DYNC1H1: variants seen among roughly 807,000 people sequenced by gnomAD.
The protein encoded by DYNC1H1 is dynein cytoplasmic 1 heavy chain 1.
DYNC1H1 carries 51 observed loss-of-function variants against 527.1 expected under a neutral mutation model. The ratio of observed to expected loss-of-function variants is 0.10; its 90% CI spans 0.08 to 0.12. The LOEUF (loss-of-function observed/expected upper bound fraction) is 0.12. Ranked by LOEUF, DYNC1H1 falls within the 10% of genes least tolerant of loss-of-function variation. The pLI is 1.00. For missense variants in DYNC1H1, 2,771 were observed against 5,971.8 expected, an observed-to-expected ratio of 0.46 and a Z score of 17.66; for synonymous variants, 2,189 against 2,278.8, an observed-to-expected ratio of 0.96 and a Z score of 1.12.
chr14:102,029,368 G>T lies in DYNC1H1; in HGVS notation c.9469-171G>T. 1.3e-6 allele frequency: 1 copy of T among 741,348 alleles called. No homozygotes were observed. The highest frequency in any genetic ancestry group is 2.2e-6 in the Non-Finnish European group (1 of 446,734). 45.9% of individuals were successfully genotyped at this position (741,348 alleles called of 1,614,324 possible). On this transcript the variant is annotated intron_variant, in intron 48 of 77. Coordinates refer to ENST00000360184, the MANE Select transcript of DYNC1H1 (RefSeq NM_001376.5). The surrounding 1 kb of genome is among the most constrained non-coding windows in gnomAD (Gnocchi z 5.3). ...CTTAGAGAGGTTTGGAAGTGTAAGGGGTATCTCGAAAGCTCTAAGTGGCTA... is the reference window on the plus strand; with the variant it reads ...CTTAGAGAGGTTTGGAAGTGTAAGGTGTATCTCGAAAGCTCTAAGTGGCTA...
Position 102,004,594 on chromosome 14 carries a change from T to G in DYNC1H1, c.4960T>G (p.Phe1654Val). The change falls in exon 24 of 78, where the codon TTC becomes GTC. Residue 1654 changes from phenylalanine (F) to valine (V), a missense_variant. This residue lies in a region of DYNC1H1 where 51 missense variants were observed against 189.2 expected (regional missense o/e 0.27). Coordinates refer to ENST00000360184, the MANE Select transcript of DYNC1H1 (RefSeq NM_001376.5). ...GAATGTCGCTAAATTACAGAAACAC[T>G]TCAAGAAGATGTTTGCTGGAGTTTC... is the stretch of plus-strand genomic sequence containing the variant. ...SKNVAKLQKH[F>V]KKMFAGVSSI... 6.2e-7 allele frequency: 1 copy of G among 1,614,222 alleles called. No individual in the cohort carries two copies. Among genetic ancestry groups the G allele is most frequent in the Non-Finnish European group, 8.5e-7 (1 of 1,180,038 alleles).
At chr14:102,034,726 C>A in intron 56 of DYNC1H1, 1 of 535,638 alleles carries the variant, frequency 1.9e-6, no homozygotes, top group Non-Finnish European at 3.4e-6. Context: ...GAGTTTGAGA[C>A]CAGCCTGGCC....
intron 1 of DYNC1H1, among the ~76,000 whole-genome samples, chr14:101,974,279 A>G (rs2047775710): frequency 2.6e-5 from 4 of 151,950 alleles, no homozygotes; most frequent in Admixed American, 2.6e-4. Context: ...TTGTATTTTT[A>G]GCAGAGACGG....
chr14:102,015,919 G>A lies in DYNC1H1; in HGVS notation c.7306G>A (p.Ala2436Thr), dbSNP rs766777466. Reference protein sequence around the residue: ...YFTSNGLVTKALEHAFQLEHI... With the variant: ...YFTSNGLVTKTLEHAFQLEHI... The stretch of plus-strand genomic sequence containing the variant: ...CACGTCCAACGGCCTGGTCACCAAG[G>A]CGCTAGAGCACGCCTTCCAGCTGGA... The change falls in exon 36 of 78, where the codon GCG becomes ACG. Residue 2436 changes from alanine to threonine, a missense_variant. Around this residue, in one of 32 missense-constraint regions of DYNC1H1, gnomAD observed 122 missense variants for 168.4 expected, o/e 0.72. Coordinates refer to ENST00000360184, the MANE Select transcript of DYNC1H1 (RefSeq NM_001376.5). The surrounding 1 kb of genome is among the most constrained non-coding windows in gnomAD (Gnocchi z 6.9). The A allele has an allele frequency of 6.2e-7, 1 of 1,614,196 alleles. No homozygotes were observed. Among genetic ancestry groups the A allele is most frequent in the Non-Finnish European group, 8.5e-7 (1 of 1,180,026 alleles).
chr14:102,032,833 A>G, intron 52 of DYNC1H1: 1 of 585,946 alleles, frequency 1.7e-6, no homozygotes, highest in Non-Finnish European at 3.0e-6. Flanking sequence ...AGCCTGGGTG[A>G]CAGAGAAAAA....
In DYNC1H1 at chr14:102,011,174, C is replaced by T. The variant is rs2048254712; in HGVS notation, c.6618+222C>T. 5.1e-6 allele frequency: 3 copies of T among 593,180 alleles called. No individual in the cohort carries two copies. Among genetic ancestry groups the T allele is most frequent in the Admixed American group, 2.7e-5 (1 of 36,932 alleles). 36.7% of individuals were successfully genotyped at this position (593,180 alleles called of 1,614,324 possible). On this transcript the variant is annotated intron_variant, in intron 32 of 77. Coordinates refer to ENST00000360184, the MANE Select transcript of DYNC1H1 (RefSeq NM_001376.5). This position sits in a 1 kb window ranked among gnomAD's most constrained non-coding sequence, Gnocchi z 5.3. ...CCTGAAAATTTTACATGATACAGTT[C>T]AATTTCTGAAAATGCTAAGTGCATG...
chr14:101,986,911 G>T lies in DYNC1H1; in HGVS notation c.2538+148G>T. On this transcript the variant is annotated intron_variant, in intron 8 of 77. Transcript: ENST00000360184. This position sits in a 1 kb window ranked among gnomAD's most constrained non-coding sequence, Gnocchi z 8.7. ...GAGCTGCAAGGGAGGAGGACCCTTT[G>T]TACTCACCGGGCTATTTAATGGTGC... The T allele has an allele frequency of 9.9e-7, 1 of 1,005,396 alleles. No homozygotes were observed. Among genetic ancestry groups the T allele is most frequent in the South Asian group, 1.3e-5 (1 of 76,028 alleles). 62.3% of individuals were successfully genotyped at this position (1,005,396 alleles called of 1,614,324 possible).
chr14:102,003,088 C>A, intron 23 of DYNC1H1, 123 bp downstream of exon 23: 1 of 1,256,108 alleles, frequency 8.0e-7, no homozygotes, highest in Non-Finnish European at 1.1e-6. Context: ...TTTTGTTAGC[C>A]AATAATACAT....
rs1179213561 is a variant in DYNC1H1, at chr14:101,997,420, G to A, written c.3804+146G>A. On this transcript the variant is annotated intron_variant, in intron 16 of 77. Coordinates refer to ENST00000360184, the MANE Select transcript of DYNC1H1 (RefSeq NM_001376.5). This position sits in a 1 kb window ranked among gnomAD's most constrained non-coding sequence, Gnocchi z 4.8. ...CTTTTTGTAGTTAAAAAAGCAGATG[G>A]AGATAGCAAATGTGAAAATATGAAG... is the stretch of plus-strand genomic sequence containing the variant. The A allele has an allele frequency of 2.1e-6, 3 of 1,421,532 alleles. No individual in the cohort carries two copies. In the African/African-American group the frequency reaches 4.3e-5, roughly 20 times the overall value. The allele number at this position is 1,421,532 out of a possible 1,614,324, so 88.1% of individuals were successfully genotyped here.
intron 64 of DYNC1H1, 24 bp downstream of exon 64, chr14:102,040,697 T>C: frequency 6.2e-7 from 1 of 1,613,980 alleles, no homozygotes; most frequent in Non-Finnish European, 8.5e-7. Flanking sequence ...TGGTTTTCTT[T>C]CTGGACCTGA....
rs1402844970 is a variant in DYNC1H1 at position 101,965,429 on chromosome 14, G to A, written c.256+482G>A. Among the ~76,000 whole-genome samples the A allele has an allele frequency of 6.6e-6, 1 of 152,150 alleles. No homozygotes were observed. On this transcript the variant is annotated intron_variant, in intron 1 of 77. Transcript: ENST00000360184. This position sits in a 1 kb window ranked among gnomAD's most constrained non-coding sequence, Gnocchi z 4.1. ...AAGTGGCCTTCGGGAGGGATGTGTC[G>A]GGGGCAGACCCGCGGAGCTGGGGGC...
rs371631888 is a variant in DYNC1H1 at position 102,001,092 on chromosome 14, A to C, written c.4185+28A>C. 4.8e-5 allele frequency: 78 copies of C among 1,613,788 alleles called. No homozygotes were observed. Among genetic ancestry groups the C allele is most frequent in the Non-Finnish European group, 5.5e-5 (65 of 1,179,830 alleles). On this transcript the variant is annotated intron_variant, in intron 19 of 77. Coordinates refer to ENST00000360184, the MANE Select transcript of DYNC1H1 (RefSeq NM_001376.5). The surrounding 1 kb of genome is among the most constrained non-coding windows in gnomAD (Gnocchi z 5.0). ...AGGTGGCCAGTATCGCACGGTGATG[A>C]GTGTCCATTAGAAACGCACCTGCAC...
At position 102,027,899 on chromosome 14, in the gene DYNC1H1, C is replaced by T; in HGVS notation, c.9264-38C>T. 6.2e-7 allele frequency: 1 copy of T among 1,614,150 alleles called. No individual in the cohort carries two copies. Among genetic ancestry groups the T allele is most frequent in the Non-Finnish European group, 8.5e-7 (1 of 1,180,022 alleles). On this transcript the variant is annotated intron_variant, in intron 47 of 77. Transcript: ENST00000360184. This position sits in a 1 kb window ranked among gnomAD's most constrained non-coding sequence, Gnocchi z 7.7. ...TGTCCTTCCAAGGGACAAAGCCTGC[C>T]CCTCATAGCTGTCCTGAAACATGGG...
chr14:101,977,048 A>C (rs886137256), intron 2 of DYNC1H1, among the ~76,000 whole-genome samples: 1 of 152,224 alleles, frequency 6.6e-6, no homozygotes, highest in East Asian at 1.9e-4. Context: ...CCTGGAATCA[A>C]TTTCCCACAG....
At chr14:101,977,825 A>G (rs2047818964) in intron 2 of DYNC1H1, among the ~76,000 whole-genome samples, 1 of 152,240 alleles carries the variant, frequency 6.6e-6, no homozygotes, top group South Asian at 2.1e-4. Flanking sequence ...TTGTGACTTC[A>G]TTCTTTCTCA....
Position 102,001,739 on chromosome 14 carries a change from A to G in DYNC1H1, c.4542+58A>G. 6.2e-7 allele frequency: 1 copy of G among 1,609,606 alleles called. No homozygotes were observed. Among genetic ancestry groups the G allele is most frequent in the Non-Finnish European group, 8.5e-7 (1 of 1,177,404 alleles). Reference sequence around the variant, plus strand: ...CAGTGGTCTCCCACGCTTTCACTGTAATGCCTTTTCACTGACAGTTACTAG... The same window carrying G: ...CAGTGGTCTCCCACGCTTTCACTGTGATGCCTTTTCACTGACAGTTACTAG... On this transcript the variant is annotated intron_variant, in intron 21 of 77. Transcript: ENST00000360184. The surrounding 1 kb of genome is among the most constrained non-coding windows in gnomAD (Gnocchi z 5.0).
In DYNC1H1 at chr14:102,001,760, AC is replaced by A; in HGVS notation, c.4542+80del. The A allele has an allele frequency of 6.3e-7, 1 of 1,588,706 alleles. No homozygotes were observed. Among genetic ancestry groups the A allele is most frequent in the South Asian group, 1.1e-5 (1 of 90,066 alleles). ...CTGTAATGCCTTTTCACTGACAGTT[AC>A]TAGGTACCTGTTTTTTATTGTATTT... On this transcript the variant is annotated intron_variant, in intron 21 of 77. Transcript: ENST00000360184. The surrounding 1 kb of genome is among the most constrained non-coding windows in gnomAD (Gnocchi z 5.0).
intron 15 of DYNC1H1, 104 bp from the exon 16 acceptor site, chr14:101,996,931 G>T (rs1317897348): frequency 1.5e-5 from 23 of 1,484,156 alleles, no homozygotes; most frequent in Non-Finnish European, 2.1e-5. Flanking sequence ...CCAGTCTTAC[G>T]TGTTTTATAA....
Position 101,967,494 on chromosome 14 carries a change from ATTTG to A in DYNC1H1, c.256+2559_256+2562del, listed in dbSNP as rs1265485015. ...TTATGTGAAACTATATATATTTTTT[ATTTG>A]TTTGTTTGTTTTAGCTACCCCAGCT... On this transcript the variant is annotated intron_variant, in intron 1 of 77. Coordinates refer to ENST00000360184, the MANE Select transcript of DYNC1H1 (RefSeq NM_001376.5). Among the ~76,000 whole-genome samples, 4 of 152,086 alleles carry A rather than the reference ATTTG, an allele frequency of 2.6e-5. No individual in the cohort carries two copies. The East Asian group carries it at 5.8e-4, about 22-fold the overall frequency.
Sources: gnomAD v4.1 joint callset for allele counts (sites outside exome capture counted in the v4.1 genomes callset) on GRCh38, gnomAD v4.1.1 for gene constraint, gnomAD v4.1.1 regional missense constraint, Gnocchi (gnomAD v3.1) non-coding constraint, MANE v1.5 for transcripts, NCBI Gene and HGNC (gene_info 2026-07-23, HGNC 2026-07-21) for gene names.